The following DST variants were observed in gnomAD, a reference collection of about 807,000 sequenced individuals.
DST encodes dystonin, also known as bullous pemphigoid antigen.
Under a neutral mutation model 875.2 loss-of-function variants are expected in DST, and 253 were observed. That is an observed-to-expected ratio of 0.29 (90% confidence interval 0.26 to 0.32). DST has a LOEUF of 0.32. Ranked by LOEUF, DST falls within the 10% of genes least tolerant of loss-of-function variation. DST has a pLI of 1.00. For synonymous variants in DST, 3,124 were observed against 3,197.1 expected, an observed-to-expected ratio of 0.98 and a Z score of 0.77; for missense variants, 8,287 against 9,111.6, an observed-to-expected ratio of 0.91 and a Z score of 3.68.
intron 36 of DST, chr6:56,614,866 G>C (rs2098597157): frequency 3.0e-6 from 3 of 993,138 alleles, no homozygotes; most frequent in Non-Finnish European, 3.6e-6. Flanking sequence ...ATAGAATAGA[G>C]AACGTCTACT....
Position 56,608,889 on chromosome 6 carries a change from C to G in DST, c.5739G>C (p.Arg1913Ser). Reference sequence around the variant, plus strand: ...CAATAAGATCTTTGCACATATTTTGCCTTTCCAGAACTTTAGAAAATAATG... The same window carrying G: ...CAATAAGATCTTTGCACATATTTTGGCTTTCCAGAACTTTAGAAAATAATG... ...SSALFSKVLE[R>S]QNMCKDLIDP... is the part of the protein sequence containing the mutation. Residue 1913 changes from arginine to serine, a missense_variant, in exon 40 of 104, where the codon AGG becomes AGC. By Grantham distance (110) the Arg-to-Ser change is moderately radical. This residue lies in a region of DST where 3,138 missense variants were observed against 3,116.6 expected (regional missense o/e 1.01). Coordinates refer to ENST00000680361, the MANE Select transcript of DST (RefSeq NM_001374736.1). 6.2e-7 allele frequency: 1 copy of G among 1,613,684 alleles called. No individual in the cohort carries two copies. The highest frequency in any genetic ancestry group is 2.2e-5 in the East Asian group (1 of 44,870).
rs565881129 is a variant in DST at position 56,951,094 on chromosome 6, G to A, written c.216+2691C>T. On this transcript the variant is annotated intron_variant, in intron 2 of 103. Coordinates refer to ENST00000680361, the MANE Select transcript of DST (RefSeq NM_001374736.1). ...TTCTCTGACTACCTGAAAAGGAACCGGCTAAAACTTCCTGTGCAATTGGAC... is the reference window on the plus strand; with the variant it reads ...TTCTCTGACTACCTGAAAAGGAACCAGCTAAAACTTCCTGTGCAATTGGAC... Among the ~76,000 whole-genome samples the A allele has an allele frequency of 7.9e-5, 12 of 152,252 alleles. No individual in the cohort carries two copies. In the South Asian group the frequency reaches 1.5e-3, roughly 18 times the overall value.
At chr6:56,615,186 A>G (rs1215315213) in intron 36 of DST, 4 of 1,146,732 alleles carry the variant, frequency 3.5e-6, no homozygotes, top group South Asian at 2.2e-5. Flanking sequence ...TCACTATTCA[A>G]TGAAGGGGAG....
At chr6:56,752,857 T>A (rs567385314) in intron 4 of DST, among the ~76,000 whole-genome samples, 2 of 152,242 alleles carry the variant, frequency 1.3e-5, no homozygotes, top group African/African-American at 4.8e-5. Context: ...AATGGCACGA[T>A]CTCAGCTCAC....
intron 22 of DST, 36 bp from the exon 23 acceptor site, chr6:56,636,688 G>A (rs369693875): frequency 1.1e-5 from 17 of 1,513,886 alleles, no homozygotes; most frequent in Non-Finnish European, 1.6e-5. Context: ...AACTGACTGG[G>A]GAGAAATAAG....
At chr6:56,692,359 C>A in intron 9 of DST, 1 of 1,176,252 alleles carries the variant, frequency 8.5e-7, no homozygotes, top group Non-Finnish European at 1.1e-6. Flanking sequence ...CACTTATTTA[C>A]TTGAACTCAG....
Position 56,903,118 on chromosome 6 carries a change from A to AGAAT in DST, c.217-2501_217-2498dup, listed in dbSNP as rs1486753423. On this transcript the variant is annotated intron_variant, in intron 2 of 103. Transcript: ENST00000680361. ...TAATTCAGAAATTTGGTGTTCTGGT[A>AGAAT]GAATGAACAAAATATTTGATGATAT... is the stretch of plus-strand genomic sequence containing the variant. Among the ~76,000 whole-genome samples, 5 of 152,314 alleles carry AGAAT rather than the reference A, an allele frequency of 3.3e-5. No individual in the cohort carries two copies. In the East Asian group the frequency reaches 9.6e-4, roughly 29 times the overall value.
At chr6:56,476,915 G>A (rs564640039) in intron 91 of DST, among the ~76,000 whole-genome samples, 1 of 152,036 alleles carries the variant, frequency 6.6e-6, no homozygotes, top group South Asian at 2.1e-4. Context: ...TCCAGCTACT[G>A]CACTCCAGCC....
intron 4 of DST, among the ~76,000 whole-genome samples, chr6:56,761,739 T>A (rs2099617740): frequency 6.6e-6 from 1 of 151,998 alleles, no homozygotes; most frequent in Non-Finnish European, 1.5e-5. Flanking sequence ...CTCACAACTG[T>A]GCTCAAATTT....
chr6:56,924,412 G>A (rs1805943841), intron 2 of DST, among the ~76,000 whole-genome samples: 1 of 151,412 alleles, frequency 6.6e-6, no homozygotes, highest in South Asian at 2.1e-4. Flanking sequence ...GATGGAGACT[G>A]ATGTTATATA....
chr6:56,584,200 C>A lies in DST; in HGVS notation c.12904-5263G>T, dbSNP rs1027594236. On this transcript the variant is annotated intron_variant, in intron 49 of 103. Coordinates refer to ENST00000680361, the MANE Select transcript of DST (RefSeq NM_001374736.1). Reference sequence around the variant, plus strand: ...ATCTTGGGCAGTATGGCCATTTTCACGATATTGATTCTTCTTACCCATGAG... The same window carrying A: ...ATCTTGGGCAGTATGGCCATTTTCAAGATATTGATTCTTCTTACCCATGAG... Among the ~76,000 whole-genome samples the A allele has an allele frequency of 8.4e-4, 128 of 152,008 alleles. 1 individual carries two copies. Among genetic ancestry groups the A allele is most frequent in the African/African-American group, 2.9e-3 (122 of 41,432 alleles).
chr6:56,585,261 A>T (rs2098123175), intron 49 of DST, among the ~76,000 whole-genome samples: 1 of 152,134 alleles, frequency 6.6e-6, no homozygotes, highest in South Asian at 2.1e-4. Flanking sequence ...GATTATTGCC[A>T]CAATTTCAGA....
Position 56,529,462 on chromosome 6 carries a change from G to A in DST, c.17581C>T (p.Gln5861Ter), listed in dbSNP as rs2096858684. 6.7e-7 allele frequency: 1 copy of A among 1,498,062 alleles called. No homozygotes were observed. The highest frequency in any genetic ancestry group is 1.4e-5 in the African/African-American group (1 of 71,156). 92.8% of individuals were successfully genotyped at this position (1,498,062 alleles called of 1,614,324 possible). A position where few individuals can be genotyped will look rare whatever the true frequency, so the allele number is the denominator to read the frequency against. ...AATCAAAATACCCGAAGTTCAGACT[G>A]CTGCTTCCATAGCCCCTCAGTGCTG... ...DYSTEGLWKQ[Q>*]SELRVLQEDI... is the part of the protein sequence containing the mutation. Residue 5861 changes from glutamine (Q) to a stop codon, truncating the protein, a stop_gained, in exon 66 of 104, where the codon CAG becomes TAG. Coordinates refer to ENST00000680361, the MANE Select transcript of DST (RefSeq NM_001374736.1). LOFTEE classifies it high-confidence loss of function.
intron 10 of DST, among the ~76,000 whole-genome samples, chr6:56,662,568 G>A (rs1233761131): frequency 6.6e-6 from 1 of 152,178 alleles, no homozygotes; most frequent in African/African-American, 2.4e-5. Flanking sequence ...TTCCTACCGT[G>A]GCTGTGTCAC....
chr6:56,689,890 T>C (rs1224993640), intron 9 of DST, among the ~76,000 whole-genome samples: 1 of 152,098 alleles, frequency 6.6e-6, no homozygotes, highest in African/African-American at 2.4e-5. Context: ...AAAAAGAATG[T>C]TTTCTGGAAA....
In DST at chr6:56,557,754, A is replaced by G. The variant is rs144894912; in HGVS notation, c.14441-236T>C. On this transcript the variant is annotated intron_variant, in intron 58 of 103. Transcript: ENST00000680361. ...ATCTGACTTTAGAAGATATCGTAGA[A>G]TATCGAATATTCATTAAAGCAGACA... Among the ~76,000 whole-genome samples the G allele has an allele frequency of 5.6e-4, 86 of 152,290 alleles. 1 individual carries two copies. In the Middle Eastern group the frequency reaches 0.014, roughly 24 times the overall value.
chr6:56,953,920 T>A (rs1007984317), intron 1 of DST, 101 bp from the exon 2 acceptor site: 1 of 757,046 alleles, frequency 1.3e-6, no homozygotes, highest in Non-Finnish European at 2.0e-6. Context: ...GGAAAGCACA[T>A]CGCAGACTCC....
Position 56,625,282 on chromosome 6 carries a change from T to C in DST, c.4723-18A>G. 3 of 1,516,144 alleles carry C rather than the reference T, an allele frequency of 2.0e-6. No individual in the cohort carries two copies. The allele number at this position is 1,516,144 out of a possible 1,614,324, so 93.9% of individuals were successfully genotyped here. On this transcript the variant is annotated intron_variant, in intron 34 of 103. Coordinates refer to ENST00000680361, the MANE Select transcript of DST (RefSeq NM_001374736.1). ...TCATAGTCCTGTATAAAGGAGTCAA[T>C]AAGATAAAATGAATTGAAGCAAAGT...
chr6:56,893,562 CTTTTTTTTTTTTTTTT>C (rs1282483681), intron 3 of DST, among the ~76,000 whole-genome samples: 8 of 35,904 alleles, frequency 2.2e-4, no homozygotes, highest in East Asian at 1.6e-3. Context: ...ACTTTTAGTT[CTTTTTTTTTTTTTTTT>C]TTTTTTTTTA....
Sources: allele counts gnomAD v4.1 joint callset (sites outside exome capture counted in the v4.1 genomes callset), GRCh38; gene constraint gnomAD v4.1.1; regional missense constraint gnomAD v4.1.1; transcripts MANE v1.5; gene names NCBI Gene and HGNC (gene_info 2026-07-23, HGNC 2026-07-21).